Variants in PREPL observed in about 807,000 individuals in gnomAD.
The protein encoded by PREPL is prolyl endopeptidase like, also known as prolyl endopeptidase-like.
Under a neutral mutation model 70.6 loss-of-function variants are expected in PREPL, and 77 were observed. The observed-to-expected ratio is 1.09, with a 90% CI of 0.91 to 1.32. The LOEUF is 1.32. PREPL is among the 40% of genes most tolerant of loss of function. The probability of loss-of-function intolerance (pLI) is 0.00; values close to 1 mark genes in which losing one functional copy is unlikely to be tolerated. For synonymous variants in PREPL, 315 were observed against 264.8 expected (o/e 1.19, Z -1.84); for missense variants, 1,002 against 778.2 (o/e 1.29, Z -3.42).
chr2:44,350,286 G>C (rs80006464), intron 1 of PREPL, among the ~76,000 whole-genome samples: 128 of 151,970 alleles, frequency 8.4e-4, no homozygotes, highest in African/African-American at 2.9e-3. Flanking sequence ...TGAAAGGATG[G>C]TCCAACATCA....
At chr2:44,341,465 T>G (rs971360467) in intron 5 of PREPL, among the ~76,000 whole-genome samples, 1 of 152,142 alleles carries the variant, frequency 6.6e-6, no homozygotes, top group Non-Finnish European at 1.5e-5. Context: ...TGCTCTTTAT[T>G]TTCAACACTT....
At chr2:44,351,936 A>G (rs1676484352) in intron 1 of PREPL, among the ~76,000 whole-genome samples, 1 of 152,240 alleles carries the variant, frequency 6.6e-6, no homozygotes, top group Non-Finnish European at 1.5e-5. Context: ...ACAAAGTCCT[A>G]AAGAATCTTG....
chr2:44,341,672 G>A (rs949354894), intron 5 of PREPL, among the ~76,000 whole-genome samples: 2 of 150,108 alleles, frequency 1.3e-5, no homozygotes, highest in Admixed American at 6.6e-5. Context: ...TATTTCTATC[G>A]ACAATTATTT....
At chr2:44,356,019 C>T (rs1677004792) in intron 1 of PREPL, among the ~76,000 whole-genome samples, 1 of 152,082 alleles carries the variant, frequency 6.6e-6, no homozygotes, top group Non-Finnish European at 1.5e-5. Flanking sequence ...GGATGCTAGT[C>T]TTTGAATATC....
intron 1 of PREPL, among the ~76,000 whole-genome samples, chr2:44,355,343 T>G (rs1676912262): frequency 6.6e-6 from 1 of 152,188 alleles, no homozygotes; most frequent in Non-Finnish European, 1.5e-5. Context: ...AGGCTGGGCT[T>G]CCAGACCAGC....
chr2:44,334,408 C>T (rs1313765129), intron 7 of PREPL, among the ~76,000 whole-genome samples: 2 of 152,128 alleles, frequency 1.3e-5, no homozygotes, highest in African/African-American at 2.4e-5. Context: ...CAGCAAAAAA[C>T]GTCCCAACTG....
chr2:44,346,666 G>A (rs894816209), intron 1 of PREPL, among the ~76,000 whole-genome samples: 1 of 152,028 alleles, frequency 6.6e-6, no homozygotes, highest in Non-Finnish European at 1.5e-5. Flanking sequence ...ATACTAAGAA[G>A]CTCAGAAGAA....
Position 44,332,607 on chromosome 2 carries a change from T to C in PREPL, c.938A>G (p.Lys313Arg). The C allele has an allele frequency of 6.2e-7, 1 of 1,613,994 alleles. No individual in the cohort carries two copies. The highest frequency in any genetic ancestry group is 8.5e-7 in the Non-Finnish European group (1 of 1,179,864). ...AGAGCAAAGTTGAAAGGGGCAGTTC[T>C]TTGGGTCAGAATTTGTATCCATTAT... ...GFIMDTNSDP[K>R]NCPFQLCSPI... Residue 313 changes from lysine to arginine, a missense_variant, in exon 8 of 14, where the codon AAG (lysine) becomes AGG (arginine). Transcript: ENST00000409411.
chr2:44,329,669 A>T (rs1262778853), intron 8 of PREPL, among the ~76,000 whole-genome samples: 3 of 152,080 alleles, frequency 2.0e-5, no homozygotes, highest in East Asian at 1.9e-4. Context: ...TAACTTTATT[A>T]AAAAAAATTT....
At chr2:44,344,651 T>G in intron 2 of PREPL, 65 bp from the exon 3 acceptor site, 1 of 1,233,260 alleles carries the variant, frequency 8.1e-7, no homozygotes, top group Non-Finnish European at 1.1e-6. Context: ...GTCTGACTAT[T>G]CAAGATGAAG....
intron 1 of PREPL, chr2:44,356,418 C>T (rs182897649): frequency 3.9e-4 from 59 of 152,260 alleles, no homozygotes; most frequent in South Asian, 2.1e-3. Flanking sequence ...TGGTGGTGGA[C>T]GCCTGTAATC....
In PREPL at chr2:44,329,388, A is replaced by ATTT. The variant is rs143723850; in HGVS notation, c.1087-279_1087-277dup. Among the ~76,000 whole-genome samples the ATTT allele has an allele frequency of 3.9e-4, 59 of 152,336 alleles. 1 individual carries two copies. The highest frequency in any genetic ancestry group is 1.4e-3 in the African/African-American group (59 of 41,582). On this transcript the variant is annotated intron_variant, in intron 8 of 13. Transcript: ENST00000409411. ...TGCAGCTTTTCATGACAATAATGTA[A>ATTT]TTTTAAAGAGTTCTTCACTACCTAC...
chr2:44,332,941 T>C (rs1039242768), intron 7 of PREPL, among the ~76,000 whole-genome samples: 1 of 152,222 alleles, frequency 6.6e-6, no homozygotes, highest in Non-Finnish European at 1.5e-5. Context: ...TATTTTGGGG[T>C]ATAATCTTGG....
At chr2:44,323,450 G>A (rs368975382) in intron 10 of PREPL, 39 bp from the exon 11 acceptor site, 1 of 1,499,014 alleles carries the variant, frequency 6.7e-7, no homozygotes, top group Non-Finnish European at 9.0e-7. Flanking sequence ...TCAAGTAAGA[G>A]GTTGGTAAGT....
At chr2:44,332,975 A>C (rs911650645) in intron 7 of PREPL, among the ~76,000 whole-genome samples, 4 of 152,218 alleles carry the variant, frequency 2.6e-5, no homozygotes, top group Non-Finnish European at 5.9e-5. Flanking sequence ...AAAATGGAAG[A>C]ATAAGAGCAA....
At chr2:44,330,149 A>G (rs892262354) in intron 8 of PREPL, among the ~76,000 whole-genome samples, 2 of 152,250 alleles carry the variant, frequency 1.3e-5, no homozygotes, top group South Asian at 2.1e-4. Context: ...ATTAATTTCT[A>G]TAAAACACTC....
At chr2:44,331,938 T>C (rs111389610) in intron 8 of PREPL, among the ~76,000 whole-genome samples, 37 of 142,590 alleles carry the variant, frequency 2.6e-4, no homozygotes, top group African/African-American at 8.8e-4. Context: ...TGACATGCTA[T>C]AAATTTTCTT....
chr2:44,322,685 T>C (rs1275357228), intron 12 of PREPL, 46 bp downstream of exon 12: 16 of 1,593,980 alleles, frequency 1.0e-5, no homozygotes, highest in Non-Finnish European at 1.3e-5. Context: ...GTGCTGTGGG[T>C]AGTAGTCTGT....
chr2:44,358,161 C>G (rs1345378666), intron 1 of PREPL, among the ~76,000 whole-genome samples: 3 of 151,992 alleles, frequency 2.0e-5, no homozygotes, highest in Admixed American at 1.3e-4. Flanking sequence ...AAGTGTCCAT[C>G]AATTACAGGA....
Sources: allele counts gnomAD v4.1 joint callset (sites outside exome capture counted in the v4.1 genomes callset), GRCh38; gene constraint gnomAD v4.1.1; transcripts MANE v1.5; gene names NCBI Gene and HGNC (gene_info 2026-07-23, HGNC 2026-07-21).